Variants in GRID1 observed in about 807,000 individuals in gnomAD.
The protein encoded by GRID1 is glutamate ionotropic receptor delta type subunit 1.
Under a neutral mutation model 98.0 loss-of-function variants are expected in GRID1, and 28 were observed. That is an observed-to-expected ratio of 0.29 (90% CI 0.21 to 0.39). The LOEUF (loss-of-function observed/expected upper bound fraction) is 0.39. GRID1 is among the 10% of genes least tolerant of loss of function. The pLI, the probability that GRID1 is intolerant of heterozygous loss-of-function variation, is 1.00. For missense variants in GRID1, 1,111 were observed against 1,340.5 expected (o/e 0.83, Z 2.67); for synonymous variants, 553 against 538.5 (o/e 1.03, Z -0.37).
At position 86,364,044 on chromosome 10, in the gene GRID1, C is replaced by A; in HGVS notation, c.132G>T (p.Ala44=). 6.2e-7 allele frequency: 1 copy of A among 1,613,822 alleles called. No homozygotes were observed. The highest frequency in any genetic ancestry group is 8.5e-7 in the Non-Finnish European group (1 of 1,179,730). The part of the protein sequence containing the change: ...AAKDDRVFQL[A]VSDLSLNDDI... ...CATCGTTGAGGCTCAGGTCGGATAC[C>A]GCCAACTGGAACACCCTGTCGTCCT... Residue 44 remains alanine (A), a synonymous_variant, in exon 2 of 16, where the codon GCG becomes GCT. Transcript: ENST00000327946.
At chr10:86,019,936 T>C (rs892495213) in intron 4 of GRID1, among the ~76,000 whole-genome samples, 1 of 152,212 alleles carries the variant, frequency 6.6e-6, no homozygotes, top group African/African-American at 2.4e-5. Context: ...GAGGGAAATA[T>C]GGCCATGCTA....
At chr10:86,205,900 C>G (rs1846018905) in intron 3 of GRID1, among the ~76,000 whole-genome samples, 3 of 152,064 alleles carry the variant, frequency 2.0e-5, no homozygotes, top group Admixed American at 2.0e-4. Flanking sequence ...TCAGGGCATT[C>G]CGTCCCCTGA....
rs1429074770 is a variant in GRID1, at chr10:85,724,432, C to G, written c.1778G>C (p.Ser593Thr). ...LNRIQAVRAQSAAQPRPSASA... is the reference protein window; with the variant it reads ...LNRIQAVRAQTAAQPRPSASA... ...AGCTGACGGCCTGGGCTGGGCAGCA[C>G]TCTGAGCCCTCACAGCCTGTATCCT... The change falls in exon 11 of 16, where the codon AGT becomes ACT. Residue 593 changes from serine to threonine, a missense_variant. Around this residue, in one of 3 missense-constraint regions of GRID1, gnomAD observed 762 missense variants for 869.1 expected, o/e 0.88. Coordinates refer to ENST00000327946, the MANE Select transcript of GRID1 (RefSeq NM_017551.3). The G allele has an allele frequency of 1.9e-6, 3 of 1,614,090 alleles. No individual in the cohort carries two copies. Among genetic ancestry groups the G allele is most frequent in the Non-Finnish European group, 2.5e-6 (3 of 1,180,010 alleles).
chr10:85,851,409 C>T (rs190661542), intron 8 of GRID1, among the ~76,000 whole-genome samples: 8 of 152,260 alleles, frequency 5.3e-5, no homozygotes, highest in African/African-American at 1.4e-4. Flanking sequence ...TCACTAAAAA[C>T]GCACTTCCTG....
At chr10:86,317,823 C>T (rs1847919915) in intron 2 of GRID1, among the ~76,000 whole-genome samples, 1 of 152,170 alleles carries the variant, frequency 6.6e-6, no homozygotes, top group Admixed American at 6.5e-5. Context: ...TCATTGCAGC[C>T]TTGACCTCCT....
intron 6 of GRID1, among the ~76,000 whole-genome samples, chr10:85,864,289 G>A (rs376403396): frequency 2.4e-4 from 37 of 152,334 alleles, no homozygotes; most frequent in African/African-American, 8.7e-4. Context: ...TCCTGGGAGA[G>A]GGCACCACAG....
chr10:85,697,545 G>A (rs116355715), intron 12 of GRID1, among the ~76,000 whole-genome samples: 2 of 152,152 alleles, frequency 1.3e-5, no homozygotes, highest in African/African-American at 4.8e-5. Context: ...CCATTTTATA[G>A]TTATTAATAA....
chr10:86,021,431 C>G (rs1035732380), intron 4 of GRID1, among the ~76,000 whole-genome samples: 2 of 152,088 alleles, frequency 1.3e-5, no homozygotes, highest in Admixed American at 6.5e-5. Flanking sequence ...ATTGATGACA[C>G]CCTGAGATGT....
chr10:86,363,874 C>T, intron 2 of GRID1, 67 bp downstream of exon 2: 3 of 1,386,682 alleles, frequency 2.2e-6, no homozygotes, highest in African/African-American at 1.4e-5. Flanking sequence ...CCAACCCCTC[C>T]GGTGCCCACT....
chr10:85,780,573 C>G (rs1307399739), intron 8 of GRID1, among the ~76,000 whole-genome samples: 1 of 152,224 alleles, frequency 6.6e-6, no homozygotes, highest in Non-Finnish European at 1.5e-5. Context: ...GGGGCTGCTG[C>G]TTACCAGTAC....
chr10:85,606,445 C>T (rs1279505583), intron 15 of GRID1: 5 of 152,174 alleles, frequency 3.3e-5, no homozygotes, highest in Non-Finnish European at 5.9e-5. Context: ...ATGAGGGTGC[C>T]ATCTCAAGTC....
chr10:86,191,504 C>T (rs1845802205), intron 3 of GRID1, among the ~76,000 whole-genome samples: 1 of 151,852 alleles, frequency 6.6e-6, no homozygotes, highest in South Asian at 2.1e-4. Flanking sequence ...AGTGCCCACC[C>T]CTCCCCTTCC....
chr10:86,243,780 C>T (rs1029732255), intron 2 of GRID1, among the ~76,000 whole-genome samples: 1 of 152,216 alleles, frequency 6.6e-6, no homozygotes, highest in African/African-American at 2.4e-5. Flanking sequence ...ACCTTCCAGT[C>T]TGATTCTGGC....
chr10:85,628,126 A>T (rs1485895094), intron 13 of GRID1, among the ~76,000 whole-genome samples: 1 of 151,476 alleles, frequency 6.6e-6, no homozygotes, highest in Non-Finnish European at 1.5e-5. Flanking sequence ...TGGGTGGGTG[A>T]GTGTGTGTGC....
chr10:86,288,378 C>T (rs969761101), intron 2 of GRID1, among the ~76,000 whole-genome samples: 1 of 152,208 alleles, frequency 6.6e-6, no homozygotes, highest in Non-Finnish European at 1.5e-5. Flanking sequence ...AGTGTGTGAT[C>T]AGTTACAGTT....
At chr10:86,071,166 C>T (rs4592374) in intron 4 of GRID1, among the ~76,000 whole-genome samples, 1,605 of 152,322 alleles carry the variant, frequency 0.011, 21 homozygotes, top group African/African-American at 0.036. Context: ...AGAATGCCCC[C>T]GCTTCACAAT....
At chr10:85,755,048 G>C (rs965198893) in intron 8 of GRID1, among the ~76,000 whole-genome samples, 3 of 152,136 alleles carry the variant, frequency 2.0e-5, no homozygotes, top group Non-Finnish European at 4.4e-5. Context: ...CCGATCATGA[G>C]CCTGTGGGTT....
intron 4 of GRID1, among the ~76,000 whole-genome samples, chr10:86,093,789 C>A (rs2131939994): frequency 6.6e-6 from 1 of 152,278 alleles, no homozygotes; most frequent in African/African-American, 2.4e-5. Context: ...TGGCATCAAT[C>A]CTTCTGACAC....
chr10:85,876,984 C>T (rs1311173338), intron 5 of GRID1, among the ~76,000 whole-genome samples: 4 of 152,224 alleles, frequency 2.6e-5, no homozygotes, highest in African/African-American at 9.7e-5. Flanking sequence ...GGGTCCTACG[C>T]CCACGGAGTC....
Sources: gnomAD v4.1 joint callset for allele counts (sites outside exome capture counted in the v4.1 genomes callset) on GRCh38, gnomAD v4.1.1 for gene constraint, gnomAD v4.1.1 regional missense constraint, MANE v1.5 for transcripts, NCBI Gene and HGNC (gene_info 2026-07-23, HGNC 2026-07-21) for gene names.